The following BLOC1S1 variants were observed in gnomAD, a reference collection of about 807,000 sequenced individuals.
BLOC1S1 encodes the protein biogenesis of lysosomal organelles complex 1 subunit 1.
Under a neutral mutation model 19.0 loss-of-function variants are expected in BLOC1S1, and 11 were observed. The observed-to-expected ratio is 0.58, with a 90% CI of 0.37 to 0.96. The LOEUF is 0.96. Among genes scored for constraint, BLOC1S1 ranks in the 40% least tolerant of loss-of-function variants. BLOC1S1 has a pLI of 0.01. For missense variants in BLOC1S1, 220 were observed against 195.9 expected (o/e 1.12, Z -0.73); for synonymous variants, 94 against 76.4 (o/e 1.23, Z -1.20).
Position 55,716,997 on chromosome 12 carries a change from C to T in BLOC1S1, c.210C>T (p.Leu70=), listed in dbSNP as rs1488098798. 6.3e-7 allele frequency: 1 copy of T among 1,596,406 alleles called. No homozygotes were observed. Among genetic ancestry groups the T allele is most frequent in the African/African-American group, 1.4e-5 (1 of 73,874 alleles). ...TGACAGAAGCTTTGGTGGATCACCT[C>T]AATGTGGGGTATGGACCTCTTATCA... ...TCLTEALVDH[L]NVGVAQAYMN... Residue 70 remains leucine (L), a synonymous_variant, in exon 2 of 4, where the codon CTC becomes CTT. Coordinates refer to ENST00000548925, the MANE Select transcript of BLOC1S1 (RefSeq NM_001487.4).
chr12:55,716,968 T>A lies in BLOC1S1; in HGVS notation c.181T>A (p.Cys61Ser). 6.3e-7 allele frequency: 1 copy of A among 1,597,640 alleles called. No individual in the cohort carries two copies. Among genetic ancestry groups the A allele is most frequent in the Non-Finnish European group, 8.5e-7 (1 of 1,173,096 alleles). ...GCGAGAGGCTATCACTGCAGCGACC[T>A]GCCTGACAGAAGCTTTGGTGGATCA... is the stretch of plus-strand genomic sequence containing the variant. ...RRREAITAAT[C>S]LTEALVDHLN... Residue 61 changes from cysteine (C) to serine (S), a missense_variant, in exon 2 of 4, where the codon TGC becomes AGC. Physicochemically the swap from Cys to Ser is moderately radical, Grantham distance 112 (BLOSUM62 -1). Coordinates refer to ENST00000548925, the MANE Select transcript of BLOC1S1 (RefSeq NM_001487.4).
chr12:55,716,708 G>A, intron 1 of BLOC1S1: 1 of 1,305,760 alleles, frequency 7.7e-7, no homozygotes, highest in East Asian at 3.3e-5. Flanking sequence ...TGACTTCCTG[G>A]CGTCCCTGAG....
At position 55,719,644 on chromosome 12, in the gene BLOC1S1, C is replaced by G. The variant is rs1444126359; in HGVS notation, c.*35C>G. 2 of 1,570,340 alleles carry G rather than the reference C, an allele frequency of 1.3e-6. No homozygotes were observed. The highest frequency in any genetic ancestry group is 3.4e-5 in the Admixed American group (2 of 59,624). On this transcript the variant is annotated 3_prime_UTR_variant, in exon 4 of 4. Transcript: ENST00000548925. Reference sequence around the variant, plus strand: ...CCTCCCCCAACCCTATCCCTCCTACCTCACCCGCAGGGGGAAGGAGGGAGG... The same window carrying G: ...CCTCCCCCAACCCTATCCCTCCTACGTCACCCGCAGGGGGAAGGAGGGAGG...
rs141284999 is a variant in BLOC1S1, at chr12:55,716,486, G to A, written c.145+290G>A. 1.2e-3 allele frequency: 1,505 copies of A among 1,290,122 alleles called. 16 individuals are homozygous for A. The African/African-American group carries it at 0.022, about 19-fold the overall frequency. The allele number at this position is 1,290,122 out of a possible 1,614,324, so 79.9% of individuals were successfully genotyped here. ...AGCGCCCTGCCTATTGGCCCTGGGA[G>A]CCTCTCGTCCTGGCGGCGGGAAGGA... On this transcript the variant is annotated intron_variant, in intron 1 of 3. Transcript: ENST00000548925.
At chr12:55,719,409 CAGG>C (rs1456354755) in intron 3 of BLOC1S1, 87 bp from the exon 4 acceptor site, 3 of 1,461,686 alleles carry the variant, frequency 2.1e-6, no homozygotes, top group Non-Finnish European at 2.9e-6. Flanking sequence ...AAGCCTTTTC[CAGG>C]AGATGAATAA....
At chr12:55,716,410 C>T (rs1876532381) in intron 1 of BLOC1S1, 1 of 1,386,168 alleles carries the variant, frequency 7.2e-7, no homozygotes, top group Non-Finnish European at 9.3e-7. Flanking sequence ...GTCCCCTCGG[C>T]AACGCCCCCA....
At chr12:55,719,448 T>C (rs1362800679) in intron 3 of BLOC1S1, 51 bp from the exon 4 acceptor site, 14 of 1,549,268 alleles carry the variant, frequency 9.0e-6, no homozygotes, top group African/African-American at 1.4e-5. Context: ...CTGGAAGCCA[T>C]ACTCTACCCA....
chr12:55,719,428 A>T, intron 3 of BLOC1S1, 71 bp from the exon 4 acceptor site: 1 of 1,491,546 alleles, frequency 6.7e-7, no homozygotes, highest in Non-Finnish European at 9.3e-7. Flanking sequence ...AATAAAACGT[A>T]TTCCCCAGAC....
intron 2 of BLOC1S1, among the ~76,000 whole-genome samples, chr12:55,717,804 T>C (rs542892595): frequency 6.6e-6 from 1 of 152,238 alleles, no homozygotes; most frequent in African/African-American, 2.4e-5. Flanking sequence ...GGGCCTCTGA[T>C]CTCCCTTCTC....
At chr12:55,718,107 A>G (rs1876712143) in intron 2 of BLOC1S1, among the ~76,000 whole-genome samples, 1 of 152,206 alleles carries the variant, frequency 6.6e-6, no homozygotes, top group Admixed American at 6.5e-5. Context: ...CAGCTAAGCC[A>G]AAGCCAGATT....
intron 1 of BLOC1S1, 119 bp downstream of exon 1, chr12:55,716,315 C>A (rs999582748): frequency 4.6e-6 from 7 of 1,505,494 alleles, no homozygotes; most frequent in African/African-American, 2.9e-5. Flanking sequence ...GGGCAACGGG[C>A]ATGGGGGAGA....
intron 1 of BLOC1S1, 23 bp from the exon 2 acceptor site, chr12:55,716,910 A>G (rs1321444327): frequency 1.3e-6 from 2 of 1,577,344 alleles, no homozygotes; most frequent in East Asian, 2.4e-5. Flanking sequence ...CTCCCCTCCA[A>G]TTCCTTTTCC....
chr12:55,717,431 G>A (rs1031915115), intron 2 of BLOC1S1, among the ~76,000 whole-genome samples: 7 of 152,158 alleles, frequency 4.6e-5, no homozygotes, highest in African/African-American at 1.7e-4. Flanking sequence ...AGAGCTGGTG[G>A]TGGTGAGAGT....
chr12:55,718,569 A>C (rs934930766), intron 2 of BLOC1S1, among the ~76,000 whole-genome samples: 4 of 151,852 alleles, frequency 2.6e-5, no homozygotes, highest in Admixed American at 2.6e-4. Flanking sequence ...TGGGAGAGCA[A>C]CTGAGAGCCG....
intron 2 of BLOC1S1, among the ~76,000 whole-genome samples, chr12:55,717,916 C>T (rs1876697394): frequency 6.6e-6 from 1 of 152,176 alleles, no homozygotes; most frequent in African/African-American, 2.4e-5. Flanking sequence ...CAGTTCCTAC[C>T]CGACCCTTGA....
At position 55,719,668 on chromosome 12, in the gene BLOC1S1, G is replaced by C; in HGVS notation, c.*59G>C. On this transcript the variant is annotated 3_prime_UTR_variant, in exon 4 of 4. Coordinates refer to ENST00000548925, the MANE Select transcript of BLOC1S1 (RefSeq NM_001487.4). ...CCTCACCCGCAGGGGGAAGGAGGGA[G>C]GCTGACAAGCCTTGAATAAAACACA... The C allele has an allele frequency of 7.0e-7, 1 of 1,434,754 alleles. No individual in the cohort carries two copies. The highest frequency in any genetic ancestry group is 9.8e-7 in the Non-Finnish European group (1 of 1,023,210). 88.9% of individuals were successfully genotyped at this position (1,434,754 alleles called of 1,614,324 possible).
rs1565652869 is a variant in BLOC1S1 at position 55,718,518 on chromosome 12, T to TG, written c.219-573_219-572insG. ...TGTGTGTGTGTGTGTGTGTGTGTGT[T>TG]TGTGTGTGTTCCTTGATCTGTGTGG... is the stretch of plus-strand genomic sequence containing the variant. On this transcript the variant is annotated intron_variant, in intron 2 of 3. Coordinates refer to ENST00000548925, the MANE Select transcript of BLOC1S1 (RefSeq NM_001487.4). 8.7e-3 allele frequency among the ~76,000 whole-genome samples: 1,094 copies of TG among 125,330 alleles called. 13 individuals are homozygous for TG. The highest frequency in any genetic ancestry group is 0.036 in the African/African-American group (1,042 of 28,780). 82.2% of individuals were successfully genotyped at this position (125,330 alleles called of 152,430 possible).
intron 2 of BLOC1S1, among the ~76,000 whole-genome samples, chr12:55,718,270 GT>G (rs1876721605): frequency 6.6e-6 from 1 of 152,206 alleles, no homozygotes. Context: ...ATTCCAGTGG[GT>G]GGGGGCACCG....
intron 2 of BLOC1S1, 73 bp from the exon 3 acceptor site, chr12:55,719,018 G>A (rs1565653015): frequency 1.3e-6 from 2 of 1,542,898 alleles, no homozygotes; most frequent in Non-Finnish European, 8.7e-7. Context: ...TCCCACTGCT[G>A]CAATGGAATA....
Sources: gnomAD v4.1 joint callset for allele counts (sites outside exome capture counted in the v4.1 genomes callset) on GRCh38, gnomAD v4.1.1 for gene constraint, MANE v1.5 for transcripts, NCBI Gene and HGNC (gene_info 2026-07-23, HGNC 2026-07-21) for gene names.